TTC29: variants seen among roughly 807,000 people sequenced by gnomAD.
TTC29 encodes the protein tetratricopeptide repeat protein 29.
A neutral mutation model predicts 58.1 loss-of-function variants in TTC29; 49 were observed. The ratio of observed to expected loss-of-function variants is 0.84; its 90% confidence interval spans 0.67 to 1.07. TTC29 has a LOEUF of 1.07. TTC29 is among the 50% of genes least tolerant of loss of function. The probability of loss-of-function intolerance (pLI) is 0.00; values close to 1 mark genes in which losing one functional copy is unlikely to be tolerated. For missense variants in TTC29, 582 were observed against 555.6 expected, an observed-to-expected ratio of 1.05 and a Z score of -0.48; for synonymous variants, 209 against 196.8, an observed-to-expected ratio of 1.06 and a Z score of -0.52.
chr4:146,886,266 C>G (rs762739158), intron 6 of TTC29, among the ~76,000 whole-genome samples: 19 of 152,042 alleles, frequency 1.2e-4, no homozygotes, highest in South Asian at 2.1e-4. Context: ...TTGTAGGTTA[C>G]GTCACCCACA....
intron 3 of TTC29, among the ~76,000 whole-genome samples, chr4:146,938,042 C>T (rs895574542): frequency 2.2e-4 from 33 of 152,074 alleles, no homozygotes; most frequent in Non-Finnish European, 1.0e-4. Context: ...GAATCCTGAG[C>T]CAAGAACACC....
chr4:146,754,687 T>C (rs917534752), intron 11 of TTC29, among the ~76,000 whole-genome samples: 2 of 152,296 alleles, frequency 1.3e-5, no homozygotes, highest in South Asian at 4.1e-4. Flanking sequence ...TTATCTCAAT[T>C]GACATGGAAA....
intron 8 of TTC29, among the ~76,000 whole-genome samples, chr4:146,859,437 G>C (rs1007515738): frequency 6.6e-6 from 1 of 151,784 alleles, no homozygotes; most frequent in East Asian, 1.9e-4. Context: ...CTTACATATA[G>C]TGTAAGAAAA....
intron 10 of TTC29, among the ~76,000 whole-genome samples, chr4:146,811,516 C>T (rs1439291864): frequency 6.6e-6 from 1 of 152,140 alleles, no homozygotes; most frequent in Non-Finnish European, 1.5e-5. Flanking sequence ...TCATCTCTCT[C>T]CTCCTCACCC....
chr4:146,817,683 T>C (rs971232542), intron 10 of TTC29, among the ~76,000 whole-genome samples: 5 of 152,148 alleles, frequency 3.3e-5, no homozygotes, highest in African/African-American at 7.2e-5. Context: ...CTTCAAACTA[T>C]ACTACAAGGC....
intron 6 of TTC29, among the ~76,000 whole-genome samples, chr4:146,887,355 T>G (rs1407468932): frequency 1.3e-5 from 2 of 152,204 alleles, no homozygotes; most frequent in Non-Finnish European, 2.9e-5. Flanking sequence ...ACTGCCATTA[T>G]GTAGCTTGTA....
At chr4:146,934,815 G>A (rs533437773) in intron 4 of TTC29, among the ~76,000 whole-genome samples, 51 of 152,226 alleles carry the variant, frequency 3.4e-4, no homozygotes, top group Admixed American at 2.2e-3. Context: ...AGACATCTAG[G>A]AAGCTGGGAA....
At position 146,903,541 on chromosome 4, in the gene TTC29, C is replaced by G; in HGVS notation, c.586+3G>C. On this transcript the variant is annotated splice_donor_region_variant and intron_variant, in intron 6 of 12. Transcript: ENST00000325106. ...CAAGGCATCCTGGCAAATGCCCACT[C>G]ACCATCTTCCTCGTAGAGAAGACCC... 1 of 1,595,484 alleles carries G rather than the reference C, an allele frequency of 6.3e-7. No homozygotes were observed. The highest frequency in any genetic ancestry group is 8.5e-7 in the Non-Finnish European group (1 of 1,170,540).
At chr4:146,754,416 A>AT in intron 11 of TTC29, among the ~76,000 whole-genome samples, 1 of 152,074 alleles carries the variant, frequency 6.6e-6, no homozygotes. Context: ...TTCTGAACAT[A>AT]TTTTAAGAAG....
At position 146,927,905 on chromosome 4, in the gene TTC29, T is replaced by C. The variant is rs574894667; in HGVS notation, c.176+9689A>G. On this transcript the variant is annotated intron_variant, in intron 4 of 12. Transcript: ENST00000325106. Reference sequence around the variant, plus strand: ...TGAGGTGAGCTAAGCACTGTATGAATAGAGTACCAATGATGCACATACGAG... The same window carrying C: ...TGAGGTGAGCTAAGCACTGTATGAACAGAGTACCAATGATGCACATACGAG... 3.8e-4 allele frequency among the ~76,000 whole-genome samples: 58 copies of C among 152,258 alleles called. No individual in the cohort carries two copies. In the South Asian group the frequency reaches 9.5e-3, roughly 25 times the overall value.
intron 8 of TTC29, among the ~76,000 whole-genome samples, chr4:146,854,534 C>G (rs2150188234): frequency 6.6e-6 from 1 of 152,226 alleles, no homozygotes; most frequent in South Asian, 2.1e-4. Flanking sequence ...CTCAATTGTT[C>G]TTAATAAATT....
At chr4:146,903,301 G>A (rs530885170) in intron 6 of TTC29, among the ~76,000 whole-genome samples, 5 of 152,130 alleles carry the variant, frequency 3.3e-5, no homozygotes, top group South Asian at 2.1e-4. Context: ...GGATGTTACC[G>A]GGTGGGAACT....
intron 11 of TTC29, among the ~76,000 whole-genome samples, chr4:146,708,328 A>ACACATG (rs1406643090): frequency 4.2e-5 from 2 of 47,544 alleles, no homozygotes; most frequent in African/African-American, 1.1e-4. Context: ...ATATATATAT[A>ACACATG]TATATATATA....
intron 11 of TTC29, among the ~76,000 whole-genome samples, chr4:146,757,716 T>TA (rs1266209040): frequency 6.6e-6 from 1 of 152,090 alleles, no homozygotes; most frequent in Non-Finnish European, 1.5e-5. Context: ...CCAGCGAAAC[T>TA]AAGCATCATA....
chr4:146,926,292 T>C (rs1033422418), intron 4 of TTC29, among the ~76,000 whole-genome samples: 1 of 152,184 alleles, frequency 6.6e-6, no homozygotes, highest in Non-Finnish European at 1.5e-5. Flanking sequence ...GTAATGAGAA[T>C]TCTGTAGTCC....
intron 8 of TTC29, among the ~76,000 whole-genome samples, chr4:146,851,202 G>A (rs1436205560): frequency 6.6e-6 from 1 of 152,176 alleles, no homozygotes; most frequent in Non-Finnish European, 1.5e-5. Context: ...AGTGCTTTCT[G>A]TATGTTAACT....
rs944181998 is a variant in TTC29, at chr4:146,706,624, G to A, written c.*534C>T. ...TGAAGGACTTAGTTAAACTTTTTAA[G>A]TTGACATGGATAAGTTTTATTATGT... is the stretch of plus-strand genomic sequence containing the variant. On this transcript the variant is annotated 3_prime_UTR_variant, in exon 13 of 13. Transcript: ENST00000325106. The A allele has an allele frequency of 2.6e-5, 4 of 152,126 alleles. No individual in the cohort carries two copies. Among genetic ancestry groups the A allele is most frequent in the Non-Finnish European group, 5.9e-5 (4 of 68,024 alleles). The allele number at this position is 152,126 out of a possible 1,614,324, so 9.4% of individuals were successfully genotyped here.
chr4:146,778,976 C>CAAAAAAAAAAAAAAAAAAAAAAAAA (rs369374851), intron 11 of TTC29, among the ~76,000 whole-genome samples: 31 of 28,540 alleles, frequency 1.1e-3, no homozygotes, highest in African/African-American at 1.4e-3. Flanking sequence ...CCTAAATAAG[C>CAAAAAAAAAAAAAAAAAAAAAAAAA]AAAAAAAAAA....
intron 10 of TTC29, among the ~76,000 whole-genome samples, chr4:146,818,135 A>G (rs1751548918): frequency 6.6e-6 from 1 of 152,244 alleles, no homozygotes; most frequent in Non-Finnish European, 1.5e-5. Context: ...CTACCATCAG[A>G]GTGAACAGGC....
Sources: gnomAD v4.1 joint callset for allele counts (sites outside exome capture counted in the v4.1 genomes callset) on GRCh38, gnomAD v4.1.1 for gene constraint, MANE v1.5 for transcripts, NCBI Gene and HGNC (gene_info 2026-07-23, HGNC 2026-07-21) for gene names.